SSPN: variants seen among roughly 807,000 people sequenced by gnomAD.
SSPN encodes the protein sarcospan, also known as K-ras oncogene-associated protein.
In SSPN, 15 loss-of-function variants were observed where a neutral mutation model predicts 19.1. The ratio of observed to expected loss-of-function variants is 0.78; its 90% confidence interval spans 0.52 to 1.21. The LOEUF (loss-of-function observed/expected upper bound fraction) is 1.21, where lower values mean the gene tolerates loss of function less well. Among genes scored for constraint, SSPN ranks in the 50% most tolerant of loss-of-function variants. SSPN has a pLI of 0.00. For missense variants in SSPN, 291 were observed against 314.0 expected (o/e 0.93, Z 0.55); for synonymous variants, 147 against 140.3 (o/e 1.05, Z -0.34).
chr12:26,193,538 A>G (rs1045480052), upstream of SSPN, among the ~76,000 whole-genome samples: 12 of 152,174 alleles, frequency 7.9e-5, no homozygotes, highest in Non-Finnish European at 1.3e-4. Context: ...CTTTCTATAA[A>G]TATTTACCAT....
rs1201414926 is a variant in SSPN, at chr12:26,216,765, A to G, written c.280-7528A>G. 4.6e-3 allele frequency among the ~76,000 whole-genome samples: 590 copies of G among 128,294 alleles called. 13 individuals carry two copies. Among genetic ancestry groups the G allele is most frequent in the Admixed American group, 0.026 (309 of 11,796 alleles). 84.2% of individuals were successfully genotyped at this position (128,294 alleles called of 152,430 possible). A position where few individuals can be genotyped will look rare whatever the true frequency, so the allele number is the denominator to read the frequency against. ...TTGATTTTTGTATAAGGTGTAAGGA[A>G]GGGATCCAGCTTCAGCTTTCTACAT... On this transcript the variant is annotated intron_variant, in intron 1 of 2. Transcript: ENST00000242729.
intron 1 of SSPN, among the ~76,000 whole-genome samples, chr12:26,171,900 T>TCTA (rs1434220016): frequency 6.6e-6 from 1 of 152,176 alleles, no homozygotes; most frequent in Non-Finnish European, 1.5e-5. Flanking sequence ...AGGCTTCACC[T>TCTA]CTACCATTTG....
chr12:26,137,522 T>C (rs1051448419), intron 1 of SSPN, among the ~76,000 whole-genome samples: 2 of 151,476 alleles, frequency 1.3e-5, no homozygotes, highest in Non-Finnish European at 2.9e-5. Flanking sequence ...GAGGATCTTA[T>C]ATGCCTGTTG....
chr12:26,137,671 T>A (rs1270875806), intron 1 of SSPN, among the ~76,000 whole-genome samples: 27 of 119,244 alleles, frequency 2.3e-4, no homozygotes, highest in African/African-American at 3.8e-4. Flanking sequence ...TTTTTTTTTT[T>A]TTTTTTTTTT....
At chr12:26,159,580 C>T (rs1033028453) in intron 1 of SSPN, among the ~76,000 whole-genome samples, 2 of 152,206 alleles carry the variant, frequency 1.3e-5, no homozygotes, top group African/African-American at 2.4e-5. Flanking sequence ...GAAGCTGTTC[C>T]AGGGTGGCTC....
intron 1 of SSPN, among the ~76,000 whole-genome samples, chr12:26,127,661 CTCTG>C (rs1461106127): frequency 1.3e-5 from 2 of 151,902 alleles, no homozygotes. Flanking sequence ...CCCTTATGTT[CTCTG>C]TCTACCTTTT....
intron 2 of SSPN, among the ~76,000 whole-genome samples, chr12:26,226,614 G>A (rs1329534681): frequency 6.6e-6 from 1 of 151,952 alleles, no homozygotes; most frequent in Non-Finnish European, 1.5e-5. Flanking sequence ...CCTGGGCTTT[G>A]CCTCTCTGCC....
chr12:26,149,024 G>T (rs1944509586), intron 1 of SSPN, among the ~76,000 whole-genome samples: 1 of 152,158 alleles, frequency 6.6e-6, no homozygotes, highest in Non-Finnish European at 1.5e-5. Flanking sequence ...AAAACTTCAA[G>T]CCATCTTGGA....
chr12:26,176,967 T>C (rs1944687923), intron 1 of SSPN, among the ~76,000 whole-genome samples: 1 of 152,236 alleles, frequency 6.6e-6, no homozygotes, highest in South Asian at 2.1e-4. Context: ...ATATTTGCCA[T>C]AGCTTTTTAT....
intron 1 of SSPN, among the ~76,000 whole-genome samples, chr12:26,147,286 T>G (rs1305360512): frequency 6.6e-6 from 1 of 151,596 alleles, no homozygotes; most frequent in African/African-American, 2.4e-5. Flanking sequence ...GTGTTTTTTT[T>G]TTTTGAGACA....
chr12:26,190,753 C>T (rs1362543764), upstream of SSPN, among the ~76,000 whole-genome samples: 1 of 152,100 alleles, frequency 6.6e-6, no homozygotes, highest in Non-Finnish European at 1.5e-5. Context: ...CTGTATTTCT[C>T]TTTTTATTAC....
At chr12:26,206,811 T>C (rs1354841976) in intron 1 of SSPN, among the ~76,000 whole-genome samples, 1 of 152,226 alleles carries the variant, frequency 6.6e-6, no homozygotes, top group Non-Finnish European at 1.5e-5. Flanking sequence ...TCTTTGGAAA[T>C]TGATTATTTT....
At position 26,164,101 on chromosome 12, in the gene SSPN, C is replaced by T. The variant is rs987565757; in HGVS notation, c.-31+41949C>T. Reference sequence around the variant, plus strand: ...AAAGCCCCGTAAGCAGATCACTCAACTGAAAGTCATTGCAGCATCACATAC... The same window carrying T: ...AAAGCCCCGTAAGCAGATCACTCAATTGAAAGTCATTGCAGCATCACATAC... On this transcript the variant is annotated intron_variant, in intron 1 of 2. Coordinates refer to the SSPN transcript ENST00000538142. 3.3e-5 allele frequency among the ~76,000 whole-genome samples: 5 copies of T among 152,344 alleles called. No homozygotes were observed. The South Asian group carries it at 1.0e-3, about 32-fold the overall frequency.
At chr12:26,213,274 A>G (rs377652117) in intron 1 of SSPN, among the ~76,000 whole-genome samples, 1 of 151,000 alleles carries the variant, frequency 6.6e-6, no homozygotes, top group East Asian at 2.0e-4. Flanking sequence ...AGAAATAAAA[A>G]GAGTCAGGAA....
chr12:26,149,653 T>G (rs997526809), intron 1 of SSPN, among the ~76,000 whole-genome samples: 1 of 152,244 alleles, frequency 6.6e-6, no homozygotes, highest in Non-Finnish European at 1.5e-5. Context: ...TTGTACTCAG[T>G]ACCTGTTGCC....
chr12:26,155,830 C>A (rs1012469602), intron 1 of SSPN, among the ~76,000 whole-genome samples: 1 of 152,186 alleles, frequency 6.6e-6, no homozygotes, highest in Non-Finnish European at 1.5e-5. Flanking sequence ...GTGCGGTGAG[C>A]CCTGTTGTTA....
At chr12:26,179,371 C>T (rs1429327912) in intron 1 of SSPN, among the ~76,000 whole-genome samples, 1 of 152,150 alleles carries the variant, frequency 6.6e-6, no homozygotes, top group Non-Finnish European at 1.5e-5. Context: ...CACCCGCAGA[C>T]TGGATGACTG....
chr12:26,195,459 G>C (rs1944817276), upstream of SSPN: 1 of 851,696 alleles, frequency 1.2e-6, no homozygotes, highest in African/African-American at 1.8e-5. Flanking sequence ...GCTGCGTCCC[G>C]GCGCGTTGGC....
intron 1 of SSPN, among the ~76,000 whole-genome samples, chr12:26,218,490 A>T (rs1285693686): frequency 4.9e-5 from 7 of 142,010 alleles, no homozygotes; most frequent in Admixed American, 2.1e-4. Flanking sequence ...AAGTATAATT[A>T]AAAAAAAAAA....
Sources: allele counts gnomAD v4.1 joint callset (sites outside exome capture counted in the v4.1 genomes callset), GRCh38; gene constraint gnomAD v4.1.1; transcripts MANE v1.5; gene names NCBI Gene and HGNC (gene_info 2026-07-23, HGNC 2026-07-21).